Variants in FRY observed in about 807,000 individuals in gnomAD.
FRY encodes FRY microtubule binding protein.
FRY carries 128 observed loss-of-function variants against 348.4 expected under a neutral mutation model. That is an observed-to-expected ratio of 0.37 (90% confidence interval 0.32 to 0.43). FRY has a LOEUF of 0.43. Among genes scored for constraint, FRY ranks in the 20% least tolerant of loss-of-function variants. The pLI is 1.00. For missense variants in FRY, 2,736 were observed against 3,695.2 expected, an observed-to-expected ratio of 0.74 and a Z score of 6.73; for synonymous variants, 1,370 against 1,374.7, an observed-to-expected ratio of 1.00 and a Z score of 0.08.
intron 1 of FRY, among the ~76,000 whole-genome samples, chr13:32,061,729 T>A (rs887011585): frequency 6.6e-6 from 1 of 152,220 alleles, no homozygotes; most frequent in Non-Finnish European, 1.5e-5. Context: ...CAGGACACCG[T>A]ATGTTAACTG....
chr13:32,159,995 C>T (rs1212937181), intron 16 of FRY, among the ~76,000 whole-genome samples: 1 of 152,042 alleles, frequency 6.6e-6, no homozygotes, highest in Non-Finnish European at 1.5e-5. Flanking sequence ...CTTATGACTG[C>T]CCACAAAAGC....
At chr13:32,268,536 A>ATATATATATATATG in intron 55 of FRY, among the ~76,000 whole-genome samples, 1 of 134,646 alleles carries the variant, frequency 7.4e-6, no homozygotes, top group Admixed American at 7.8e-5. Flanking sequence ...ATATATATAT[A>ATATATATATATATG]TATCTAGATT....
intron 2 of FRY, 23 bp from the exon 3 acceptor site, chr13:32,101,940 G>T: frequency 7.9e-7 from 1 of 1,268,320 alleles, no homozygotes; most frequent in Non-Finnish European, 1.2e-6. Context: ...AATTATTCTT[G>T]CATATATTCT....
chr13:32,117,721 A>G (rs2138695049), intron 4 of FRY, among the ~76,000 whole-genome samples: 1 of 152,126 alleles, frequency 6.6e-6, no homozygotes, highest in East Asian at 1.9e-4. Context: ...GTGAAGGGCC[A>G]CAGGTCACTT....
chr13:32,120,208 G>A (rs996864529), intron 4 of FRY, among the ~76,000 whole-genome samples: 4 of 152,036 alleles, frequency 2.6e-5, no homozygotes, highest in African/African-American at 9.7e-5. Context: ...AAACTATTAT[G>A]TAAGTACTAT....
chr13:32,216,308 T>C (rs1884983952), intron 35 of FRY, among the ~76,000 whole-genome samples: 1 of 152,194 alleles, frequency 6.6e-6, no homozygotes, highest in African/African-American at 2.4e-5. Context: ...GGAGTCAGTT[T>C]TTTACTTTTT....
Position 32,261,635 on chromosome 13 carries a change from T to A in FRY, c.7436T>A (p.Phe2479Tyr). The A allele has an allele frequency of 6.2e-7, 1 of 1,614,156 alleles. No individual in the cohort carries two copies. Among genetic ancestry groups the A allele is most frequent in the Non-Finnish European group, 8.5e-7 (1 of 1,179,998 alleles). The change falls in exon 52 of 61, where the codon TTC becomes TAC. Residue 2479 changes from phenylalanine to tyrosine, a missense_variant. Coordinates refer to ENST00000542859, the MANE Select transcript of FRY (RefSeq NM_023037.3). ...EDGEGESMDN[F>Y]NWGVRRRSLD... is the part of the protein sequence containing the mutation. The stretch of plus-strand genomic sequence containing the variant: ...TTTCAGGGTGAGAGTATGGACAATT[T>A]CAACTGGGGAGTGCGCAGACGTTCT...
Position 32,155,517 on chromosome 13 carries a change from C to T in FRY, c.1506C>T (p.Phe502=), listed in dbSNP as rs1358733278. The change falls in exon 15 of 61, where the codon TTC becomes TTT. Residue 502 remains phenylalanine (F), a synonymous_variant. Transcript: ENST00000542859. ...GAATGAACATTGGTTTACGGGCATT[C>T]TTGGTCATAGCTGATAGCTTGCAGC... ...PERMNIGLRA[F]LVIADSLQQK... 5 of 1,613,566 alleles carry T rather than the reference C, an allele frequency of 3.1e-6. No individual in the cohort carries two copies. Among genetic ancestry groups the T allele is most frequent in the Non-Finnish European group, 3.4e-6 (4 of 1,179,518 alleles).
In FRY at chr13:32,155,480, G is replaced by A; in HGVS notation, c.1480-11G>A. On this transcript the variant is annotated splice_polypyrimidine_tract_variant and intron_variant, in intron 14 of 60. Coordinates refer to ENST00000542859, the MANE Select transcript of FRY (RefSeq NM_023037.3). ...CCTTTCCTTTTGTCATGACAATATT[G>A]TCTCTTACAGAGAATGAACATTGGT... 1 of 1,602,768 alleles carries A rather than the reference G, an allele frequency of 6.2e-7. No individual in the cohort carries two copies. The highest frequency in any genetic ancestry group is 1.1e-5 in the South Asian group (1 of 90,870).
At chr13:32,172,883 G>T (rs569964350) in intron 18 of FRY, among the ~76,000 whole-genome samples, 1 of 152,226 alleles carries the variant, frequency 6.6e-6, no homozygotes, top group East Asian at 1.9e-4. Flanking sequence ...CTTGGTTGGG[G>T]ATTGGGAACT....
chr13:32,262,359 C>T lies in FRY; in HGVS notation c.7663C>T (p.Leu2555Phe). The T allele has an allele frequency of 6.2e-7, 1 of 1,613,838 alleles. No individual in the cohort carries two copies. Among genetic ancestry groups the T allele is most frequent in the Non-Finnish European group, 8.5e-7 (1 of 1,179,744 alleles). The change falls in exon 53 of 61, where the codon CTC (leucine) becomes TTC (phenylalanine). Residue 2555 changes from leucine (L) to phenylalanine (F), a missense_variant. Around this residue, in one of 9 missense-constraint regions of FRY, gnomAD observed 789 missense variants for 996.2 expected, o/e 0.79. Transcript: ENST00000542859. ...TGAAGAGACGAATCCCATGGAGCTG[C>T]TCACCACAGCCTGTGACTCGACCCC... ...PSEETNPMEL[L>F]TTACDSTPAE...
chr13:32,211,316 G>A (rs996389439), intron 34 of FRY, among the ~76,000 whole-genome samples: 5 of 152,282 alleles, frequency 3.3e-5, no homozygotes, highest in East Asian at 1.9e-4. Context: ...AAACTTAGCC[G>A]GATGTGGTGG....
intron 6 of FRY, 22 bp from the exon 7 acceptor site, chr13:32,124,773 T>G (rs775770419): frequency 6.3e-7 from 1 of 1,580,860 alleles, no homozygotes; most frequent in East Asian, 2.2e-5. Context: ...ATCCCTAACT[T>G]GTCTAATTAT....
At chr13:32,038,658 T>C (rs1872638514) in intron 1 of FRY, 1 of 152,244 alleles carries the variant, frequency 6.6e-6, no homozygotes, top group South Asian at 2.1e-4. Context: ...AAGAGAATGC[T>C]TTCTCTTTCT....
At chr13:32,180,635 C>T (rs1400885998) in intron 23 of FRY, among the ~76,000 whole-genome samples, 1 of 152,150 alleles carries the variant, frequency 6.6e-6, no homozygotes, top group African/African-American at 2.4e-5. Context: ...ATAATCATTC[C>T]ATCTGAAGTA....
At chr13:32,152,698 A>G (rs1459538542) in intron 14 of FRY, among the ~76,000 whole-genome samples, 4 of 152,200 alleles carry the variant, frequency 2.6e-5, no homozygotes, top group African/African-American at 7.2e-5. Context: ...GAAGATTTTC[A>G]TGACCTTCAG....
At chr13:32,234,788 G>T in intron 42 of FRY, 27 bp downstream of exon 42, 1 of 1,560,030 alleles carries the variant, frequency 6.4e-7, no homozygotes, top group Non-Finnish European at 8.8e-7. Context: ...CACTGAGCTC[G>T]TGAAGGATGA....
At position 32,178,406 on chromosome 13, in the gene FRY, T is replaced by A; in HGVS notation, c.2651T>A (p.Leu884His). The part of the protein sequence containing the change: ...SYAWPYAFTR[L>H]QSVMPLVDPN... Reference sequence around the variant, plus strand: ...GCCTGGCCTTATGCCTTCACTCGGCTCCAGTCGGTGATGCCTCTGGTGGAC... The same window carrying A: ...GCCTGGCCTTATGCCTTCACTCGGCACCAGTCGGTGATGCCTCTGGTGGAC... The change falls in exon 21 of 61, where the codon CTC (leucine) becomes CAC (histidine). Residue 884 changes from leucine to histidine, a missense_variant. Coordinates refer to ENST00000542859, the MANE Select transcript of FRY (RefSeq NM_023037.3). 1 of 1,614,146 alleles carries A rather than the reference T, an allele frequency of 6.2e-7. No homozygotes were observed. The highest frequency in any genetic ancestry group is 8.5e-7 in the Non-Finnish European group (1 of 1,180,002).
At chr13:32,156,091 A>T (rs395341) in intron 15 of FRY, among the ~76,000 whole-genome samples, 104,999 of 152,050 alleles carry the variant, frequency 0.69, 36,687 homozygotes, top group East Asian at 0.98. Flanking sequence ...ATCAGGTTAT[A>T]TTGTGGATTT....
Sources: gnomAD v4.1 joint callset for allele counts (sites outside exome capture counted in the v4.1 genomes callset) on GRCh38, gnomAD v4.1.1 for gene constraint, gnomAD v4.1.1 regional missense constraint, MANE v1.5 for transcripts, NCBI Gene and HGNC (gene_info 2026-07-23, HGNC 2026-07-21) for gene names.